The following RBM39 variants were observed in gnomAD, a reference collection of about 807,000 sequenced individuals.
The protein encoded by RBM39 is RNA-binding protein 39.
In RBM39, 12 loss-of-function variants were observed where a neutral mutation model predicts 79.6. The observed-to-expected ratio is 0.15, with a 90% CI of 0.10 to 0.24. The LOEUF (loss-of-function observed/expected upper bound fraction) is 0.24, where lower values mean the gene tolerates loss of function less well. Among genes scored for constraint, RBM39 ranks in the 10% least tolerant of loss-of-function variants. The pLI is 1.00. For synonymous variants in RBM39, 185 were observed against 208.4 expected (o/e 0.89, Z 0.97); for missense variants, 243 against 653.4 (o/e 0.37, Z 6.85).
rs2039149074 is a variant in RBM39 at position 35,729,622 on chromosome 20, C to A, written c.297-95G>T. On this transcript the variant is annotated intron_variant, in intron 4 of 16. Transcript: ENST00000253363. The stretch of plus-strand genomic sequence containing the variant: ...TCCAGCAAGACTAACATTGTTTAGG[C>A]TACTGCTTTTCCACCTCAGTTATGA... 5.3e-6 allele frequency: 6 copies of A among 1,121,798 alleles called. No individual in the cohort carries two copies. In the African/African-American group the frequency reaches 6.3e-5, roughly 12 times the overall value. The allele number at this position is 1,121,798 out of a possible 1,614,324, so 69.5% of individuals were successfully genotyped here.
intron 6 of RBM39, among the ~76,000 whole-genome samples, chr20:35,727,349 CAAAAAAT>C (rs1745777031): frequency 7.5e-6 from 1 of 132,668 alleles, no homozygotes; most frequent in South Asian, 2.3e-4. Context: ...AACCCTACCT[CAAAAAAT>C]AAAAAATAAA....
At chr20:35,738,926 A>C (rs1287872579) in intron 3 of RBM39, 42 bp downstream of exon 3, 2 of 1,560,722 alleles carry the variant, frequency 1.3e-6, no homozygotes, top group South Asian at 2.2e-5. Flanking sequence ...AAAACCACAA[A>C]AAAGCTCACC....
intron 3 of RBM39, chr20:35,734,142 G>T: frequency 1.7e-6 from 2 of 1,167,790 alleles, no homozygotes; most frequent in East Asian, 5.9e-5. Flanking sequence ...CTGTAAGCAG[G>T]TCATCTTTAG....
At chr20:35,710,582 TATCAAACTGGCA>T (rs1031664801) in intron 12 of RBM39, 1 of 152,198 alleles carries the variant, frequency 6.6e-6, no homozygotes, top group African/African-American at 2.4e-5. Context: ...AGAAAGGGCC[TATCAAACTGGCA>T]GAATAAAATA....
At chr20:35,717,719 T>C (rs958898789) in intron 9 of RBM39, among the ~76,000 whole-genome samples, 1 of 152,162 alleles carries the variant, frequency 6.6e-6, no homozygotes, top group Non-Finnish European at 1.5e-5. Context: ...GCCAGGTGGG[T>C]TGGCTCAGGT....
In RBM39 at chr20:35,724,576, T is replaced by G. The variant is rs1461349784; in HGVS notation, c.681A>C (p.Ala227=). The change falls in exon 8 of 17, where the codon GCA becomes GCC. Residue 227 remains alanine, a synonymous_variant. Coordinates refer to ENST00000253363, the MANE Select transcript of RBM39 (RefSeq NM_184234.3). ...RVLGVPIIVQ[A]SQAEKNRAAA... ...TAACCAACAAAAAAATTACCTGTGA[T>G]GCCTGTACTATGATTGGCACGCCTA... is the stretch of plus-strand genomic sequence containing the variant. 2 of 1,613,636 alleles carry G rather than the reference T, an allele frequency of 1.2e-6. No homozygotes were observed. Among genetic ancestry groups the G allele is most frequent in the Admixed American group, 1.7e-5 (1 of 59,882 alleles).
chr20:35,720,474 G>A (rs1261815389), intron 9 of RBM39, among the ~76,000 whole-genome samples: 1 of 151,884 alleles, frequency 6.6e-6, no homozygotes, highest in Non-Finnish European at 1.5e-5. Flanking sequence ...CCATGTTACT[G>A]ATAGAAAAGT....
intron 10 of RBM39, 25 bp downstream of exon 10, chr20:35,716,715 T>C (rs764156461): frequency 7.1e-6 from 10 of 1,400,868 alleles, no homozygotes; most frequent in Middle Eastern, 2.0e-4. Context: ...AAACCCTAAG[T>C]AATATAATTA....
intron 3 of RBM39, chr20:35,734,357 C>CAA: frequency 1.7e-6 from 1 of 587,248 alleles, no homozygotes; most frequent in Non-Finnish European, 2.8e-6. Flanking sequence ...TAGAACTCAT[C>CAA]AAAGCCATGC....
At chr20:35,716,678 C>T in intron 10 of RBM39, 62 bp downstream of exon 10, 2 of 1,028,278 alleles carry the variant, frequency 1.9e-6, no homozygotes, top group Admixed American at 4.7e-5. Context: ...ATCTGAGCAA[C>T]ACAGCAAATG....
intron 13 of RBM39, 85 bp downstream of exon 13, chr20:35,709,137 AAT>A (rs1397216604): frequency 1.6e-6 from 2 of 1,265,662 alleles, no homozygotes; most frequent in Non-Finnish European, 1.1e-6. Context: ...CTGGTATAAA[AAT>A]ATGACAATAA....
intron 3 of RBM39, chr20:35,734,079 T>C: frequency 2.5e-6 from 1 of 399,486 alleles, no homozygotes; most frequent in South Asian, 3.0e-5. Context: ...GTTTATTCCT[T>C]ATCAAAGCAA....
At position 35,704,665 on chromosome 20, in the gene RBM39, C is replaced by T. The variant is rs1169254082; in HGVS notation, c.1492+3G>A. 1 of 1,613,946 alleles carries T rather than the reference C, an allele frequency of 6.2e-7. No homozygotes were observed. Among genetic ancestry groups the T allele is most frequent in the Non-Finnish European group, 8.5e-7 (1 of 1,179,894 alleles). Reference sequence around the variant, plus strand: ...ATCAGTCAAAAAATAAATTCAAACTCACCAGCAAACCACCTGCCATGCAAT... The same window carrying T: ...ATCAGTCAAAAAATAAATTCAAACTTACCAGCAAACCACCTGCCATGCAAT... On this transcript the variant is annotated splice_donor_region_variant and intron_variant, in intron 16 of 16. Transcript: ENST00000253363.
chr20:35,722,330 C>A (rs2038047057), intron 8 of RBM39, among the ~76,000 whole-genome samples: 1 of 150,928 alleles, frequency 6.6e-6, no homozygotes, highest in Non-Finnish European at 1.5e-5. Context: ...TGGCATGAAC[C>A]CAGGAGGCAG....
intron 7 of RBM39, 119 bp from the exon 8 acceptor site, chr20:35,724,841 G>A (rs1339647846): frequency 1.6e-6 from 2 of 1,249,580 alleles, no homozygotes; most frequent in Non-Finnish European, 2.2e-6. Context: ...AAGTAAATCT[G>A]TAGGACAATT....
At chr20:35,724,529 A>C (rs756609419) in intron 8 of RBM39, 41 bp downstream of exon 8, 4 of 1,601,952 alleles carry the variant, frequency 2.5e-6, no homozygotes, top group East Asian at 4.5e-5. Context: ...GAGGCTTTCA[A>C]CACCACCAAT....
At chr20:35,713,317 C>CTT (rs202093615) in intron 11 of RBM39, 99 of 371,406 alleles carry the variant, frequency 2.7e-4, no homozygotes, top group East Asian at 5.6e-4. Context: ...GTGAAACTCT[C>CTT]TTTTTTTTTT....
chr20:35,719,772 A>G (rs1426610941), intron 9 of RBM39, among the ~76,000 whole-genome samples: 1 of 152,192 alleles, frequency 6.6e-6, no homozygotes, highest in Non-Finnish European at 1.5e-5. Context: ...TATATGGTAC[A>G]CAGATTTCTC....
intron 8 of RBM39, among the ~76,000 whole-genome samples, chr20:35,723,768 C>T (rs545415815): frequency 2.6e-5 from 4 of 152,306 alleles, no homozygotes; most frequent in Non-Finnish European, 5.9e-5. Flanking sequence ...GCTGTCAAAG[C>T]GCTGTGCGGC....
Sources: allele counts gnomAD v4.1 joint callset (sites outside exome capture counted in the v4.1 genomes callset), GRCh38; gene constraint gnomAD v4.1.1; transcripts MANE v1.5; gene names NCBI Gene and HGNC (gene_info 2026-07-23, HGNC 2026-07-21).